The following NXPH1 variants were observed in gnomAD, a reference collection of about 807,000 sequenced individuals.
NXPH1 encodes neurexophilin 1.
Under a neutral mutation model 23.7 loss-of-function variants are expected in NXPH1, and 5 were observed. That is an observed-to-expected ratio of 0.21 (90% CI 0.11 to 0.44). NXPH1 has a LOEUF of 0.44. Ranked by LOEUF, NXPH1 falls within the 20% of genes least tolerant of loss-of-function variation. The pLI, the probability that NXPH1 is intolerant of heterozygous loss-of-function variation, is 0.99. For synonymous variants in NXPH1, 144 were observed against 122.2 expected (o/e 1.18, Z -1.18); for missense variants, 324 against 321.6 (o/e 1.01, Z -0.06).
chr7:8,474,279 A>C (rs918783154), intron 2 of NXPH1, among the ~76,000 whole-genome samples: 12 of 152,152 alleles, frequency 7.9e-5, no homozygotes, highest in African/African-American at 2.9e-4. Flanking sequence ...GGTGCAAACA[A>C]TTTTGATCAG....
chr7:8,479,473 T>C (rs1322175135), intron 2 of NXPH1, among the ~76,000 whole-genome samples: 1 of 152,112 alleles, frequency 6.6e-6, no homozygotes, highest in Non-Finnish European at 1.5e-5. Context: ...AGTAAGAGTA[T>C]GAACTCAAGA....
At chr7:8,448,216 A>G (rs1712221115) in intron 2 of NXPH1, among the ~76,000 whole-genome samples, 1 of 152,246 alleles carries the variant, frequency 6.6e-6, no homozygotes, top group Non-Finnish European at 1.5e-5. Context: ...CATTAGAGTT[A>G]TTATTGAGAA....
intron 2 of NXPH1, among the ~76,000 whole-genome samples, chr7:8,744,167 A>G (rs917036935): frequency 6.6e-5 from 10 of 152,196 alleles, no homozygotes; most frequent in African/African-American, 2.4e-4. Flanking sequence ...GTCTCAAAAG[A>G]ATCATATATT....
chr7:8,650,050 T>C (rs1056772331), intron 2 of NXPH1, among the ~76,000 whole-genome samples: 10 of 152,088 alleles, frequency 6.6e-5, no homozygotes, highest in Non-Finnish European at 1.0e-4. Context: ...ACTCAAGAAC[T>C]CTGTTGCTGC....
intron 2 of NXPH1, among the ~76,000 whole-genome samples, chr7:8,673,843 T>C (rs1298114523): frequency 6.6e-6 from 1 of 152,056 alleles, no homozygotes; most frequent in Non-Finnish European, 1.5e-5. Context: ...TTCCCCAAAT[T>C]ATTTTATGGC....
chr7:8,731,676 G>C (rs796715995), intron 2 of NXPH1, among the ~76,000 whole-genome samples: 2 of 152,338 alleles, frequency 1.3e-5, no homozygotes, highest in East Asian at 1.9e-4. Flanking sequence ...CAGGGAACCA[G>C]TTGAAGAGGA....
intron 2 of NXPH1, among the ~76,000 whole-genome samples, chr7:8,576,251 T>G (rs770651735): frequency 7.5e-4 from 114 of 152,182 alleles, no homozygotes; most frequent in Non-Finnish European, 1.0e-3. Flanking sequence ...AACTATGCCT[T>G]GAACACTGTG....
At chr7:8,721,498 A>T (rs1277293378) in intron 2 of NXPH1, among the ~76,000 whole-genome samples, 3 of 152,228 alleles carry the variant, frequency 2.0e-5, no homozygotes, top group African/African-American at 7.2e-5. Context: ...TTAAAAATGC[A>T]TTTCTTGTGG....
rs60436502 is a variant in NXPH1 at position 8,483,965 on chromosome 7, CT to C, written c.54+48215del. On this transcript the variant is annotated intron_variant, in intron 2 of 2. Transcript: ENST00000405863. Reference sequence around the variant, plus strand: ...CTAGAATAAATAACACTCCCCCCACCTTTTTTTTTTTTTTTTTAAGAAGTAG... The same window carrying C: ...CTAGAATAAATAACACTCCCCCCACCTTTTTTTTTTTTTTTTAAGAAGTAG... Among the ~76,000 whole-genome samples the C allele has an allele frequency of 3.0e-3, 394 of 132,250 alleles. 1 individual carries two copies. Among genetic ancestry groups the C allele is most frequent in the East Asian group, 6.1e-3 (29 of 4,792 alleles). The allele number at this position is 132,250 out of a possible 152,430, so 86.8% of individuals were successfully genotyped here.
chr7:8,508,158 T>C (rs1817560362), intron 2 of NXPH1, among the ~76,000 whole-genome samples: 1 of 152,104 alleles, frequency 6.6e-6, no homozygotes, highest in South Asian at 2.1e-4. Context: ...CAATTTAGCT[T>C]TTCTCTCTAT....
intron 2 of NXPH1, among the ~76,000 whole-genome samples, chr7:8,604,182 T>C (rs1819426028): frequency 6.6e-6 from 1 of 152,204 alleles, no homozygotes; most frequent in Admixed American, 6.5e-5. Context: ...TTGGTACATT[T>C]AGAATGATAT....
rs376348561 is a variant in NXPH1, at chr7:8,447,803, C to A, written c.54+12036C>A. 6.6e-5 allele frequency among the ~76,000 whole-genome samples: 10 copies of A among 152,308 alleles called. No homozygotes were observed. The East Asian group carries it at 1.3e-3, about 21-fold the overall frequency. Reference sequence around the variant, plus strand: ...TTGCACAGATTGATGGATTCCCCCCCACCCTTGATGTTCCTCGAACAAGTG... The same window carrying A: ...TTGCACAGATTGATGGATTCCCCCCAACCCTTGATGTTCCTCGAACAAGTG... On this transcript the variant is annotated intron_variant, in intron 2 of 2. Coordinates refer to ENST00000405863, the MANE Select transcript of NXPH1 (RefSeq NM_152745.3).
chr7:8,728,240 T>G (rs1460160670), intron 2 of NXPH1, among the ~76,000 whole-genome samples: 1 of 152,236 alleles, frequency 6.6e-6, no homozygotes, highest in African/African-American at 2.4e-5. Context: ...GATTTTGGGC[T>G]GAGACAATGG....
At chr7:8,454,221 C>A (rs1816552829) in intron 2 of NXPH1, among the ~76,000 whole-genome samples, 1 of 152,014 alleles carries the variant, frequency 6.6e-6, no homozygotes, top group Non-Finnish European at 1.5e-5. Flanking sequence ...ACTTGTACCC[C>A]TGAAATTAAA....
chr7:8,509,024 T>C (rs897410786), intron 2 of NXPH1, among the ~76,000 whole-genome samples: 5 of 152,102 alleles, frequency 3.3e-5, no homozygotes, highest in Non-Finnish European at 5.9e-5. Context: ...GATATTTTCT[T>C]GTTTTTAGAT....
chr7:8,467,001 C>T (rs1443436525), intron 2 of NXPH1, among the ~76,000 whole-genome samples: 2 of 152,066 alleles, frequency 1.3e-5, no homozygotes, highest in African/African-American at 2.4e-5. Context: ...AGATAATAGC[C>T]TCCCCTCCTT....
intron 2 of NXPH1, among the ~76,000 whole-genome samples, chr7:8,469,710 G>A (rs1816842472): frequency 2.0e-5 from 3 of 152,112 alleles, no homozygotes; most frequent in African/African-American, 7.2e-5. Context: ...ACACTATGAT[G>A]AGGGTAAAAT....
chr7:8,639,756 T>A (rs1205394128), intron 2 of NXPH1, among the ~76,000 whole-genome samples: 2 of 152,154 alleles, frequency 1.3e-5, no homozygotes, highest in Non-Finnish European at 2.9e-5. Flanking sequence ...TGTGAATAAG[T>A]TCTCATGAGA....
At position 8,433,837 on chromosome 7, in the gene NXPH1, A is replaced by G. The variant is rs1306853332; in HGVS notation, c.-1029A>G. 2 of 152,314 alleles carry G rather than the reference A, an allele frequency of 1.3e-5. No homozygotes were observed. Among genetic ancestry groups the G allele is most frequent in the African/African-American group, 4.8e-5 (2 of 41,362 alleles). The allele number at this position is 152,314 out of a possible 1,614,324, so 9.4% of individuals were successfully genotyped here. ...CCCCCGGGAAGGGGGCGCTGCGGCC[A>G]CCGAAGACACCGCGGGAGCCACTTG... On this transcript the variant is annotated 5_prime_UTR_variant, in exon 1 of 3. Transcript: ENST00000405863. This position sits in a 1 kb window ranked among gnomAD's most constrained non-coding sequence, Gnocchi z 6.8.
Sources: allele counts gnomAD v4.1 joint callset (sites outside exome capture counted in the v4.1 genomes callset), GRCh38; gene constraint gnomAD v4.1.1; non-coding constraint Gnocchi (gnomAD v3.1); transcripts MANE v1.5; gene names NCBI Gene and HGNC (gene_info 2026-07-23, HGNC 2026-07-21).